Variants in POLR2B observed in about 807,000 individuals in gnomAD.
POLR2B encodes the protein DNA-directed RNA polymerase II subunit RPB2.
In POLR2B, 57 loss-of-function variants were observed where a neutral mutation model predicts 144.6. The observed-to-expected ratio is 0.39, with a 90% CI of 0.32 to 0.49. POLR2B has a LOEUF of 0.49. POLR2B is among the 20% of genes least tolerant of loss of function. POLR2B has a pLI of 0.83. For missense variants in POLR2B, 595 were observed against 1,467.4 expected (o/e 0.41, Z 9.71); for synonymous variants, 442 against 469.8 (o/e 0.94, Z 0.77).
chr4:57,007,610 A>G (rs758188388), intron 10 of POLR2B, among the ~76,000 whole-genome samples: 4 of 152,334 alleles, frequency 2.6e-5, no homozygotes, highest in Non-Finnish European at 2.9e-5. Flanking sequence ...AAAGCTCCAC[A>G]TTAGAAGCCA....
At chr4:57,028,466 A>G (rs74693440) in intron 23 of POLR2B, among the ~76,000 whole-genome samples, 1 of 152,184 alleles carries the variant, frequency 6.6e-6, no homozygotes, top group African/African-American at 2.4e-5. Context: ...GTCACAGGAT[A>G]TGAAAGAGAT....
At chr4:57,006,715 T>C in intron 9 of POLR2B, 101 bp from the exon 10 acceptor site, 1 of 865,262 alleles carries the variant, frequency 1.2e-6, no homozygotes, top group South Asian at 1.7e-5. Context: ...CCAAACAATT[T>C]TTGCTCACCT....
Position 57,031,105 on chromosome 4 carries a change from AATG to A in POLR2B, c.*120_*122del, listed in dbSNP as rs893491646. On this transcript the variant is annotated 3_prime_UTR_variant, in exon 25 of 25. Transcript: ENST00000314595. ...GTGATAAAAAGTATTTTATTTGTTTAATGATATGCATGCTTTTCTTCTGTAAAT... is the reference window on the plus strand; with the variant it reads ...GTGATAAAAAGTATTTTATTTGTTTAATATGCATGCTTTTCTTCTGTAAAT... The A allele has an allele frequency of 1.2e-5, 9 of 742,842 alleles. No individual in the cohort carries two copies. In the African/African-American group the frequency reaches 1.6e-4, roughly 13 times the overall value. 46.0% of individuals were successfully genotyped at this position (742,842 alleles called of 1,614,324 possible).
Position 57,023,493 on chromosome 4 carries a change from C to T in POLR2B, c.2679C>T (p.Ser893=), listed in dbSNP as rs1723617875. Residue 893 remains serine (S), a synonymous_variant, in exon 19 of 25, where the codon AGC becomes AGT. Coordinates refer to ENST00000314595, the MANE Select transcript of POLR2B (RefSeq NM_000938.3). This position sits in a 1 kb window ranked among gnomAD's most constrained non-coding sequence, Gnocchi z 4.3. ...GACGCTATACCAAGAGAGACTGTAG[C>T]ACTTTTCTCAGAACTAGCGAGACGG... is the stretch of plus-strand genomic sequence containing the variant. ...TNRRYTKRDC[S]TFLRTSETGI... is the part of the protein sequence containing the mutation. 5.0e-6 allele frequency: 8 copies of T among 1,613,618 alleles called. No individual in the cohort carries two copies. Among genetic ancestry groups the T allele is most frequent in the South Asian group, 1.1e-5 (1 of 91,072 alleles).
intron 3 of POLR2B, among the ~76,000 whole-genome samples, chr4:56,992,716 C>T (rs554734222): frequency 1.2e-4 from 18 of 151,060 alleles, no homozygotes; most frequent in African/African-American, 2.7e-4. Flanking sequence ...CCTGCCACCA[C>T]GCCCGGCTAT....
intron 3 of POLR2B, among the ~76,000 whole-genome samples, chr4:56,993,341 T>G (rs1159725024): frequency 1.3e-5 from 2 of 151,986 alleles, no homozygotes; most frequent in Non-Finnish European, 2.9e-5. Flanking sequence ...CAAAAGAGAC[T>G]GGAGGAGATA....
intron 13 of POLR2B, among the ~76,000 whole-genome samples, chr4:57,011,784 C>T (rs912616537): frequency 2.6e-5 from 4 of 152,140 alleles, no homozygotes; most frequent in Admixed American, 2.6e-4. Context: ...GATCACACCA[C>T]TGCACTCCAG....
chr4:56,989,756 A>G (rs1722455892), intron 2 of POLR2B, among the ~76,000 whole-genome samples: 1 of 152,082 alleles, frequency 6.6e-6, no homozygotes, highest in African/African-American at 2.4e-5. Context: ...GATAATCTTG[A>G]GGGTTGTGCT....
Position 56,994,448 on chromosome 4 carries a change from TA to T in POLR2B, c.289del (p.Thr97ProfsTer12), listed in dbSNP as rs1289902809. ...TTGAACAAATTTATCTTTCCAAGCCTACCCATTGGGAAAGAGATGGTGCTCC... is the reference window on the plus strand; with the variant it reads ...TTGAACAAATTTATCTTTCCAAGCCTCCCATTGGGAAAGAGATGGTGCTCC... ...KFEQIYLSKP[T>X]HWERDGAPSP... On this transcript the variant is annotated frameshift_variant, in exon 4 of 25. Transcript: ENST00000314595. LOFTEE classifies it high-confidence loss of function. 6.2e-7 allele frequency: 1 copy of T among 1,608,936 alleles called. No individual in the cohort carries two copies.
rs1234586388 is a variant in POLR2B at position 57,010,845 on chromosome 4, GTA to G, written c.1648_1649del (p.Met550GlyfsTer13). 1 of 1,610,182 alleles carries G rather than the reference GTA, an allele frequency of 6.2e-7. No homozygotes were observed. The highest frequency in any genetic ancestry group is 8.5e-7 in the Non-Finnish European group (1 of 1,177,160). ...ATTCTGGAATTTTTAGAAGAATGGA[GTA>G]TGGAAAATTTAGAAGAAATTTCTCC... is the stretch of plus-strand genomic sequence containing the variant. On this transcript the variant is annotated frameshift_variant, in exon 12 of 25. Coordinates refer to ENST00000314595, the MANE Select transcript of POLR2B (RefSeq NM_000938.3). LOFTEE classifies it high-confidence loss of function.
chr4:57,022,041 T>G (rs1030976200), intron 17 of POLR2B, 111 bp from the exon 18 acceptor site: 3 of 633,282 alleles, frequency 4.7e-6, no homozygotes, highest in African/African-American at 3.7e-5. Flanking sequence ...TGTCCCAGAT[T>G]CGTAGTTTAA....
rs773768150 is a variant in POLR2B at position 57,010,741 on chromosome 4, T to G, written c.1549-7T>G. The G allele has an allele frequency of 5.1e-6, 8 of 1,577,426 alleles. No individual in the cohort carries two copies. In the East Asian group the frequency reaches 1.8e-4, roughly 36 times the overall value. On this transcript the variant is annotated splice_polypyrimidine_tract_variant and splice_region_variant and intron_variant, in intron 11 of 24. Coordinates refer to ENST00000314595, the MANE Select transcript of POLR2B (RefSeq NM_000938.3). Reference sequence around the variant, plus strand: ...TCAGAATGACTAATACTTGGTTTATTTTTTAGGGCCATGCTGTAGGACTTG... The same window carrying G: ...TCAGAATGACTAATACTTGGTTTATGTTTTAGGGCCATGCTGTAGGACTTG...
intron 7 of POLR2B, among the ~76,000 whole-genome samples, chr4:57,003,844 C>T (rs1722926748): frequency 6.7e-6 from 1 of 150,268 alleles, no homozygotes; most frequent in South Asian, 2.1e-4. Flanking sequence ...CTGACTGTGT[C>T]TCTTAAAAAA....
intron 6 of POLR2B, among the ~76,000 whole-genome samples, chr4:56,996,902 T>G (rs1347552620): frequency 6.6e-6 from 1 of 151,844 alleles, no homozygotes; most frequent in Non-Finnish European, 1.5e-5. Context: ...CTGGGCAACA[T>G]GGCAAAACAC....
At chr4:57,026,287 C>T (rs764840939) in intron 23 of POLR2B, among the ~76,000 whole-genome samples, 6 of 151,858 alleles carry the variant, frequency 4.0e-5, no homozygotes, top group Non-Finnish European at 5.9e-5. Flanking sequence ...ACTATGTTGC[C>T]CAGGCTGGAC....
chr4:57,022,124 C>CTTTACCTT, intron 17 of POLR2B, 28 bp from the exon 18 acceptor site: 5 of 1,349,598 alleles, frequency 3.7e-6, no homozygotes, highest in Non-Finnish European at 5.2e-6. Flanking sequence ...AGAAAATAGA[C>CTTTACCTT]TTTACCTTTA....
chr4:57,006,509 T>G (rs564870623), intron 9 of POLR2B, among the ~76,000 whole-genome samples: 3 of 152,330 alleles, frequency 2.0e-5, no homozygotes, highest in Admixed American at 1.3e-4. Flanking sequence ...TTCTCCATAT[T>G]GGCCAGGCTG....
At chr4:57,012,163 G>A (rs1190359401) in intron 13 of POLR2B, among the ~76,000 whole-genome samples, 1 of 152,146 alleles carries the variant, frequency 6.6e-6, no homozygotes, top group African/African-American at 2.4e-5. Context: ...CCAGCACTTT[G>A]GGAAGTTGAG....
At position 56,994,700 on chromosome 4, in the gene POLR2B, A is replaced by G. The variant is rs773594158; in HGVS notation, c.410A>G (p.Glu137Gly). Reference protein sequence around the residue: ...DITKTVIKEGEEQLQTQHQKT... With the variant: ...DITKTVIKEGGEQLQTQHQKT... ...ACAAAAACAGTCATTAAAGAAGGTG[A>G]AGAACAACTTCAGACTCAGCATCAG... Residue 137 changes from glutamate (E) to glycine (G), a missense_variant, in exon 5 of 25, where the codon GAA (glutamate) becomes GGA (glycine). Physicochemically the swap from Glu to Gly is moderately conservative, Grantham distance 98. Coordinates refer to ENST00000314595, the MANE Select transcript of POLR2B (RefSeq NM_000938.3). The G allele has an allele frequency of 6.2e-7, 1 of 1,613,678 alleles. No homozygotes were observed. Among genetic ancestry groups the G allele is most frequent in the South Asian group, 1.1e-5 (1 of 91,080 alleles).
Sources: gnomAD v4.1 joint callset for allele counts (sites outside exome capture counted in the v4.1 genomes callset) on GRCh38, gnomAD v4.1.1 for gene constraint, Gnocchi (gnomAD v3.1) non-coding constraint, MANE v1.5 for transcripts, NCBI Gene and HGNC (gene_info 2026-07-23, HGNC 2026-07-21) for gene names.